GBP7: variants seen among roughly 807,000 people sequenced by gnomAD.
The protein encoded by GBP7 is guanylate binding protein 7.
A neutral mutation model predicts 61.3 loss-of-function variants in GBP7; 43 were observed. The ratio of observed to expected loss-of-function variants is 0.70; its 90% CI spans 0.55 to 0.91. The LOEUF (loss-of-function observed/expected upper bound fraction) is 0.91. Among genes scored for constraint, GBP7 ranks in the 40% least tolerant of loss-of-function variants. The pLI, the probability that GBP7 is intolerant of heterozygous loss-of-function variation, is 0.00. For missense variants in GBP7, 717 were observed against 740.5 expected (o/e 0.97, Z 0.37); for synonymous variants, 267 against 271.0 (o/e 0.99, Z 0.14).
intron 3 of GBP7, among the ~76,000 whole-genome samples, chr1:89,153,621 T>A (rs1294276703): frequency 6.6e-6 from 1 of 152,192 alleles, no homozygotes; most frequent in African/African-American, 2.4e-5. Context: ...CAAAGTTCCA[T>A]AATCACAAGA....
At chr1:89,144,451 A>G (rs1682020636) in intron 8 of GBP7, among the ~76,000 whole-genome samples, 1 of 152,144 alleles carries the variant, frequency 6.6e-6, no homozygotes, top group African/African-American at 2.4e-5. Context: ...TCTTTAAGAA[A>G]TCTCCAAACT....
chr1:89,151,548 A>G (rs1262123446), intron 5 of GBP7, among the ~76,000 whole-genome samples: 3 of 152,240 alleles, frequency 2.0e-5, no homozygotes, highest in Non-Finnish European at 2.9e-5. Context: ...TATTTGTTGA[A>G]AGGATGAACA....
In GBP7 at chr1:89,174,990, A is replaced by G. The variant is rs536716652; in HGVS notation, c.-20+931T>C. Among the ~76,000 whole-genome samples, 42 of 152,322 alleles carry G rather than the reference A, an allele frequency of 2.8e-4. 1 individual carries two copies. The highest frequency in any genetic ancestry group is 3.4e-3 in the Middle Eastern group (1 of 294). On this transcript the variant is annotated intron_variant, in intron 1 of 10. Coordinates refer to ENST00000294671, the MANE Select transcript of GBP7 (RefSeq NM_207398.3). ...GCTATCTTTATCCAGGGCTTGATAA[A>G]TTAAATATTTTGATAATTTTGTAAA...
intron 2 of GBP7, 102 bp downstream of exon 2, chr1:89,171,644 C>T (rs1647601907): frequency 6.6e-6 from 7 of 1,058,430 alleles, no homozygotes; most frequent in Non-Finnish European, 9.6e-6. Context: ...GCTATCAATA[C>T]TTATCCCCAA....
intron 8 of GBP7, 32 bp downstream of exon 8, chr1:89,147,535 G>C: frequency 6.5e-7 from 1 of 1,550,258 alleles, no homozygotes; most frequent in Non-Finnish European, 8.9e-7. Flanking sequence ...ACTATCCTCT[G>C]TCATCCATCC....
Position 89,132,230 on chromosome 1 carries a change from A to C in GBP7, c.1836T>G (p.Ala612=), listed in dbSNP as rs774783815. ...SIFIAALPGA[A]KLVDLGMKIL... ...TTTTCATTCCTAAATCAACTAGCTT[A>C]GCAGCCCCAGGTAGTGCTGCAATAA... Residue 612 remains alanine, a synonymous_variant, in exon 11 of 11, where the codon GCT becomes GCG. Coordinates refer to ENST00000294671, the MANE Select transcript of GBP7 (RefSeq NM_207398.3). The C allele has an allele frequency of 3.7e-6, 6 of 1,613,162 alleles. No individual in the cohort carries two copies. The East Asian group carries it at 1.3e-4, about 36-fold the overall frequency.
At chr1:89,162,861 C>T (rs992146652) in intron 3 of GBP7, among the ~76,000 whole-genome samples, 1 of 152,138 alleles carries the variant, frequency 6.6e-6, no homozygotes, top group African/African-American at 2.4e-5. Flanking sequence ...GGAATGCTTC[C>T]AGCTTTTGCC....
At chr1:89,141,732 C>T in intron 8 of GBP7, 84 bp from the exon 9 acceptor site, 1 of 1,006,804 alleles carries the variant, frequency 9.9e-7, no homozygotes, top group South Asian at 1.3e-5. Context: ...AACAAAGCCA[C>T]AAATCTAACC....
Position 89,152,396 on chromosome 1 carries a change from G to C in GBP7, c.497C>G (p.Ser166Cys), listed in dbSNP as rs1682224241. 6.2e-7 allele frequency: 1 copy of C among 1,613,962 alleles called. No individual in the cohort carries two copies. The highest frequency in any genetic ancestry group is 1.3e-5 in the African/African-American group (1 of 74,880). The change falls in exon 5 of 11, where the codon TCC (serine) becomes TGC (cysteine). Residue 166 changes from serine to cysteine, a missense_variant. This residue lies in a region of GBP7 where 387 missense variants were observed against 385.2 expected (regional missense o/e 1.00). Transcript: ENST00000294671. ...TGGAAAGAAACTCACAAACTCGCTG[G>C]AGTCCTCAACTTCATCAGGTCTGGG... ...SCPRPDEVED[S>C]SEFVSFFPDF...
chr1:89,149,553 C>T lies in GBP7; in HGVS notation c.891G>A (p.Glu297=), dbSNP rs1189514853. Residue 297 remains glutamate, a synonymous_variant, in exon 7 of 11, where the codon GAG becomes GAA. Transcript: ENST00000294671. ...VTGNRLGMLV[E]TYLDAINSGA... ...CACTGTTGATGGCATCCAGGTAGGTCTCCACCAGCATCCCCAGCCCTGAAT... is the reference window on the plus strand; with the variant it reads ...CACTGTTGATGGCATCCAGGTAGGTTTCCACCAGCATCCCCAGCCCTGAAT... 6.2e-7 allele frequency: 1 copy of T among 1,613,188 alleles called. No individual in the cohort carries two copies. Among genetic ancestry groups the T allele is most frequent in the Non-Finnish European group, 8.5e-7 (1 of 1,179,362 alleles).
chr1:89,143,965 A>G (rs1411554820), intron 8 of GBP7, among the ~76,000 whole-genome samples: 1 of 152,204 alleles, frequency 6.6e-6, no homozygotes, highest in African/African-American at 2.4e-5. Context: ...GCTTCAGTCA[A>G]AACAGTCACC....
intron 3 of GBP7, among the ~76,000 whole-genome samples, chr1:89,157,557 A>G (rs1033478399): frequency 7.9e-5 from 12 of 152,188 alleles, no homozygotes; most frequent in Non-Finnish European, 1.0e-4. Flanking sequence ...ACAAACTACC[A>G]TCAGAGAATA....
chr1:89,137,571 G>A (rs1681835615), intron 9 of GBP7, among the ~76,000 whole-genome samples: 1 of 151,940 alleles, frequency 6.6e-6, no homozygotes, highest in African/African-American at 2.4e-5. Context: ...CTTCTCAATG[G>A]GCACAGAAAA....
intron 2 of GBP7, 93 bp downstream of exon 2, chr1:89,171,653 A>C (rs1647602233): frequency 8.6e-7 from 1 of 1,162,690 alleles, no homozygotes; most frequent in Non-Finnish European, 1.2e-6. Flanking sequence ...ACTTATCCCC[A>C]ACACTAACTT....
chr1:89,153,773 G>A (rs1682255197), intron 3 of GBP7, among the ~76,000 whole-genome samples: 1 of 152,160 alleles, frequency 6.6e-6, no homozygotes, highest in African/African-American at 2.4e-5. Context: ...GAGAAGGAAG[G>A]AAAATAAAGA....
At position 89,133,762 on chromosome 1, in the gene GBP7, T is replaced by C. The variant is rs369817321; in HGVS notation, c.1469-311A>G. Among the ~76,000 whole-genome samples, 56 of 152,260 alleles carry C rather than the reference T, an allele frequency of 3.7e-4. 6 individuals carry two copies. The highest frequency in any genetic ancestry group is 9.2e-4 in the Admixed American group (14 of 15,286). ...AAATTGGTGCGAAGTGGCCCACTCT[T>C]GCCATGGACCTCTGAAATCCTAGCT... is the stretch of plus-strand genomic sequence containing the variant. On this transcript the variant is annotated intron_variant, in intron 9 of 10. Coordinates refer to ENST00000294671, the MANE Select transcript of GBP7 (RefSeq NM_207398.3).
intron 2 of GBP7, among the ~76,000 whole-genome samples, chr1:89,170,828 T>C (rs1039804767): frequency 6.6e-6 from 1 of 152,184 alleles, no homozygotes; most frequent in Non-Finnish European, 1.5e-5. Context: ...CTTCCAGTAA[T>C]AGCCAGTCCT....
chr1:89,144,952 CTTT>C (rs71084939), intron 8 of GBP7, among the ~76,000 whole-genome samples: 11 of 99,130 alleles, frequency 1.1e-4, no homozygotes, highest in Admixed American at 2.0e-4. Context: ...GACTTTCACT[CTTT>C]TTTTTTTTTT....
Position 89,132,018 on chromosome 1 carries a change from T to G in GBP7, c.*131A>C. Reference sequence around the variant, plus strand: ...TACTTTAGTCAAAATTAAGTTTGTTTTTATGAACTTCAGGCCATAATATTC... The same window carrying G: ...TACTTTAGTCAAAATTAAGTTTGTTGTTATGAACTTCAGGCCATAATATTC... On this transcript the variant is annotated 3_prime_UTR_variant, in exon 11 of 11. Coordinates refer to ENST00000294671, the MANE Select transcript of GBP7 (RefSeq NM_207398.3). The G allele has an allele frequency of 1.6e-6, 1 of 607,962 alleles. No individual in the cohort carries two copies. The highest frequency in any genetic ancestry group is 2.6e-6 in the Non-Finnish European group (1 of 377,598). 37.7% of individuals were successfully genotyped at this position (607,962 alleles called of 1,614,324 possible).
Sources: allele counts gnomAD v4.1 joint callset (sites outside exome capture counted in the v4.1 genomes callset), GRCh38; gene constraint gnomAD v4.1.1; regional missense constraint gnomAD v4.1.1; transcripts MANE v1.5; gene names NCBI Gene and HGNC (gene_info 2026-07-23, HGNC 2026-07-21).